Variants in ANK1 observed in about 807,000 individuals in gnomAD.
The protein encoded by ANK1 is ankyrin-1.
Under a neutral mutation model 210.4 loss-of-function variants are expected in ANK1, and 51 were observed. The ratio of observed to expected loss-of-function variants is 0.24; its 90% CI spans 0.19 to 0.31. The LOEUF is 0.31. Ranked by LOEUF, ANK1 falls within the 10% of genes least tolerant of loss-of-function variation. The probability of loss-of-function intolerance (pLI) is 1.00; values close to 1 mark genes in which losing one functional copy is unlikely to be tolerated. For synonymous variants in ANK1, 967 were observed against 1,025.9 expected, an observed-to-expected ratio of 0.94 and a Z score of 1.10; for missense variants, 2,051 against 2,504.4, an observed-to-expected ratio of 0.82 and a Z score of 3.86.
At chr8:41,656,177 C>T (rs1805634720) in intron 42 of ANK1, among the ~76,000 whole-genome samples, 1 of 152,246 alleles carries the variant, frequency 6.6e-6, no homozygotes, top group African/African-American at 2.4e-5. Context: ...AGGGCTTGTG[C>T]CAAGAAGGGG....
rs901164875 is a variant in ANK1 at position 41,697,858 on chromosome 8, GC to G, written c.2637+184del. The G allele has an allele frequency of 1.5e-5, 10 of 689,086 alleles. No individual in the cohort carries two copies. In the African/African-American group the frequency reaches 1.8e-4, roughly 12 times the overall value. 42.7% of individuals were successfully genotyped at this position (689,086 alleles called of 1,614,324 possible). A position where few individuals can be genotyped will look rare whatever the true frequency, so the allele number is the denominator to read the frequency against. On this transcript the variant is annotated intron_variant, in intron 24 of 42. Transcript: ENST00000289734. ...CATCTGACCATCTCTTCCAGACGCC[GC>G]CCACCCAGCGCCACCAATGTTGCAC...
At chr8:41,757,052 C>T (rs1017006322) in intron 2 of ANK1, among the ~76,000 whole-genome samples, 1 of 152,056 alleles carries the variant, frequency 6.6e-6, no homozygotes, top group African/African-American at 2.4e-5. Flanking sequence ...GGAAATGGGG[C>T]GTTAGTGTTT....
chr8:41,856,352 A>G (rs1812174862), intron 1 of ANK1, among the ~76,000 whole-genome samples: 1 of 152,204 alleles, frequency 6.6e-6, no homozygotes, highest in South Asian at 2.1e-4. Context: ...CACCAACAGG[A>G]GTTGTCTTAA....
intron 9 of ANK1, among the ~76,000 whole-genome samples, chr8:41,721,926 A>G (rs1358243204): frequency 1.3e-5 from 2 of 152,256 alleles, no homozygotes; most frequent in Non-Finnish European, 2.9e-5. Context: ...GATCTGGATA[A>G]TAAAACAAAA....
intron 16 of ANK1, among the ~76,000 whole-genome samples, chr8:41,710,057 G>A (rs551999885): frequency 6.6e-6 from 1 of 152,324 alleles, no homozygotes; most frequent in Admixed American, 6.5e-5. Context: ...ATGTCACTGT[G>A]CACTGTTTAT....
rs112143650 is a variant in ANK1, at chr8:41,858,677, C to T, written c.126+37678G>A. Among the ~76,000 whole-genome samples the T allele has an allele frequency of 1.5e-4, 23 of 152,312 alleles. 2 individuals carry two copies. Among genetic ancestry groups the T allele is most frequent in the African/African-American group, 5.3e-4 (22 of 41,564 alleles). On this transcript the variant is annotated intron_variant, in intron 1 of 42. Transcript: ENST00000265709. The stretch of plus-strand genomic sequence containing the variant: ...GGATTCCGCTCCTTCTATGGGATCC[C>T]CTGTAAAATCCAGGACAAGTTTATC...
chr8:41,734,900 A>C (rs1833061201), intron 2 of ANK1, among the ~76,000 whole-genome samples: 1 of 152,140 alleles, frequency 6.6e-6, no homozygotes, highest in Non-Finnish European at 1.5e-5. Flanking sequence ...CAAAAATAAA[A>C]ATAAAATGTA....
intron 31 of ANK1, among the ~76,000 whole-genome samples, chr8:41,691,370 CAGT>C: frequency 6.6e-6 from 1 of 152,274 alleles, no homozygotes; most frequent in Non-Finnish European, 1.5e-5. Context: ...ACTCATTTGA[CAGT>C]TGAAAAAATT....
intron 37 of ANK1, among the ~76,000 whole-genome samples, chr8:41,681,924 G>A (rs1406353908): frequency 6.6e-6 from 1 of 152,224 alleles, no homozygotes; most frequent in African/African-American, 2.4e-5. Context: ...CCGGGGACCT[G>A]CCAGAGAGGG....
rs2150631753 is a variant in ANK1, at chr8:41,714,140, G to A, written c.1800+16C>T. On this transcript the variant is annotated intron_variant, in intron 16 of 42. Transcript: ENST00000289734. ...CCTGCTCTCCAGGGGCAGCTGGGGAGAGGGGCGGGCCTTACCCAGGCAGGG... is the reference window on the plus strand; with the variant it reads ...CCTGCTCTCCAGGGGCAGCTGGGGAAAGGGGCGGGCCTTACCCAGGCAGGG... 1 of 1,330,016 alleles carries A rather than the reference G, an allele frequency of 7.5e-7. No homozygotes were observed. The highest frequency in any genetic ancestry group is 9.7e-7 in the Non-Finnish European group (1 of 1,028,970). 82.4% of individuals were successfully genotyped at this position (1,330,016 alleles called of 1,614,324 possible).
chr8:41,895,660 A>G (rs761606508), intron 1 of ANK1, among the ~76,000 whole-genome samples: 13 of 152,038 alleles, frequency 8.6e-5, no homozygotes, highest in Non-Finnish European at 1.9e-4. Context: ...CCTGGCTTCC[A>G]AAGGAACTTC....
At chr8:41,723,458 G>A (rs1336200032) in intron 8 of ANK1, 77 bp downstream of exon 8, 11 of 1,529,552 alleles carry the variant, frequency 7.2e-6, no homozygotes. Context: ...GGTCACCAAG[G>A]GCCCGCTGCT....
intron 2 of ANK1, among the ~76,000 whole-genome samples, chr8:41,745,431 G>A (rs1475446274): frequency 6.6e-6 from 1 of 152,174 alleles, no homozygotes; most frequent in Non-Finnish European, 1.5e-5. Context: ...AAGTGTAGAA[G>A]AACGGGCGTA....
At chr8:41,699,422 C>G in intron 23 of ANK1, 30 bp downstream of exon 23, 4 of 1,609,760 alleles carry the variant, frequency 2.5e-6, no homozygotes, top group Non-Finnish European at 3.4e-6. Flanking sequence ...TCTCGGCACC[C>G]CCGGGGACCC....
chr8:41,698,354 G>C (rs2150600506), intron 23 of ANK1, among the ~76,000 whole-genome samples: 1 of 152,278 alleles, frequency 6.6e-6, no homozygotes, highest in Non-Finnish European at 1.5e-5. Context: ...CCTCGCTCTG[G>C]CTAACAATAT....
At chr8:41,695,093 G>A (rs907740897) in intron 27 of ANK1, 84 bp downstream of exon 27, 11 of 1,564,468 alleles carry the variant, frequency 7.0e-6, no homozygotes, top group African/African-American at 1.4e-5. Context: ...AACTTCAGGT[G>A]GCCCTCAAAG....
intron 37 of ANK1, among the ~76,000 whole-genome samples, chr8:41,674,349 A>T (rs1291667210): frequency 6.6e-6 from 1 of 152,230 alleles, no homozygotes; most frequent in Non-Finnish European, 1.5e-5. Flanking sequence ...ACACTCACAG[A>T]TGGGACAGCT....
intron 1 of ANK1, among the ~76,000 whole-genome samples, chr8:41,813,927 G>C (rs1377368115): frequency 2.0e-5 from 3 of 152,180 alleles, no homozygotes; most frequent in Non-Finnish European, 2.9e-5. Flanking sequence ...GTCAACCTTA[G>C]TTCCTTAAAG....
Position 41,758,035 on chromosome 8 carries a change from C to T in ANK1, c.129+1G>A. ...AACAGGCCTGCCTCCATCCCACTTACCTGGTTACAGGTGTTAATATCTACC... is the reference window on the plus strand; with the variant it reads ...AACAGGCCTGCCTCCATCCCACTTATCTGGTTACAGGTGTTAATATCTACC... On this transcript the variant is annotated splice_donor_variant, in intron 2 of 42. Transcript: ENST00000289734. LOFTEE classifies it high-confidence loss of function. 6.2e-7 allele frequency: 1 copy of T among 1,613,758 alleles called. No homozygotes were observed. Among genetic ancestry groups the T allele is most frequent in the Non-Finnish European group, 8.5e-7 (1 of 1,179,652 alleles).
Sources: allele counts gnomAD v4.1 joint callset (sites outside exome capture counted in the v4.1 genomes callset), GRCh38; gene constraint gnomAD v4.1.1; transcripts MANE v1.5; gene names NCBI Gene and HGNC (gene_info 2026-07-23, HGNC 2026-07-21).